Variants in HACL1 observed in about 807,000 individuals in gnomAD.
The protein encoded by HACL1 is 1600020H07Rik.
A neutral mutation model predicts 74.2 loss-of-function variants in HACL1; 64 were observed. That is an observed-to-expected ratio of 0.86 (90% CI 0.70 to 1.06). The LOEUF (loss-of-function observed/expected upper bound fraction) is 1.06, where lower values mean the gene tolerates loss of function less well. Ranked by LOEUF, HACL1 falls within the 50% of genes least tolerant of loss-of-function variation. The pLI is 0.00. For missense variants in HACL1, 728 were observed against 719.7 expected, an observed-to-expected ratio of 1.01 and a Z score of -0.13; for synonymous variants, 230 against 238.8, an observed-to-expected ratio of 0.96 and a Z score of 0.34.
intron 6 of HACL1, among the ~76,000 whole-genome samples, chr3:15,585,755 A>G (rs2063784372): frequency 1.3e-5 from 2 of 152,178 alleles, no homozygotes; most frequent in Non-Finnish European, 2.9e-5. Context: ...AAACAGCTAA[A>G]ATGTAATTTC....
In HACL1 at chr3:15,568,501, A is replaced by G. The variant is rs773754383; in HGVS notation, c.1181T>C (p.Val394Ala). ...VQEQLPRDCF[V>A]VSEGANTMDI... ...CATAGTATTTGCTCCTTCACTTACC[A>G]CGAAACAGTCTCTAGGTAGTTGTTC... The change falls in exon 13 of 17, where the codon GTG becomes GCG. Residue 394 changes from valine (V) to alanine (A), a missense_variant. Transcript: ENST00000321169. 1.6e-5 allele frequency: 25 copies of G among 1,599,898 alleles called. No individual in the cohort carries two copies. The highest frequency in any genetic ancestry group is 1.8e-5 in the Non-Finnish European group (21 of 1,167,162).
chr3:15,589,576 G>T lies in HACL1; in HGVS notation c.345C>A (p.Asn115Lys). Residue 115 changes from asparagine (N) to lysine (K), a missense_variant, in exon 5 of 17, where the codon AAC becomes AAA. Coordinates refer to ENST00000321169, the MANE Select transcript of HACL1 (RefSeq NM_012260.4). ...LLVIGGSSER[N>K]QETMGAFQEF... is the part of the protein sequence containing the mutation. ...CCTGGAAAGCTCCCATTGTTTCTTG[G>T]TTTCTTTCAGAGGAACCACCAATCA... 1 of 1,610,884 alleles carries T rather than the reference G, an allele frequency of 6.2e-7. No individual in the cohort carries two copies. Among genetic ancestry groups the T allele is most frequent in the Non-Finnish European group, 8.5e-7 (1 of 1,177,276 alleles).
rs757972937 is a variant in HACL1, at chr3:15,601,356, CT to C, written c.81+26del. 38 of 1,613,694 alleles carry C rather than the reference CT, an allele frequency of 2.4e-5. No homozygotes were observed. In the Middle Eastern group the frequency reaches 4.9e-4, roughly 21 times the overall value. On this transcript the variant is annotated intron_variant, in intron 1 of 16. Coordinates refer to ENST00000321169, the MANE Select transcript of HACL1 (RefSeq NM_012260.4). ...GGTCCCCGCCAGCTTCCGTAGGAGCCTTTCATTCCAGGAAGGTCCATCGTAC... is the reference window on the plus strand; with the variant it reads ...GGTCCCCGCCAGCTTCCGTAGGAGCCTTCATTCCAGGAAGGTCCATCGTAC...
Position 15,580,157 on chromosome 3 carries a change from TC to T in HACL1, c.668-113del, listed in dbSNP as rs554129577. On this transcript the variant is annotated intron_variant, in intron 8 of 16. Transcript: ENST00000321169. ...CTTATTTATATTTTGAGACAGGGAC[TC>T]ACTCTATCACCCAGGCTGGAGTGCA... is the stretch of plus-strand genomic sequence containing the variant. The T allele has an allele frequency of 1.1e-4, 87 of 816,722 alleles. 1 individual carries two copies. The East Asian group carries it at 2.0e-3, about 18-fold the overall frequency. 50.6% of individuals were successfully genotyped at this position (816,722 alleles called of 1,614,324 possible).
In HACL1 at chr3:15,566,499, AC is replaced by A. The variant is rs2063436059; in HGVS notation, c.1409+1344del. ...CAAAGCCCTGTCTCTACAAAAAAAT[AC>A]AAAAAATTAGCTGGGCATGGTGGTG... On this transcript the variant is annotated intron_variant, in intron 14 of 16. Transcript: ENST00000321169. 2.0e-5 allele frequency among the ~76,000 whole-genome samples: 3 copies of A among 152,172 alleles called. No individual in the cohort carries two copies. The South Asian group carries it at 6.2e-4, about 31-fold the overall frequency.
intron 2 of HACL1, among the ~76,000 whole-genome samples, chr3:15,597,795 G>A: frequency 6.6e-6 from 1 of 151,878 alleles, no homozygotes; most frequent in Admixed American, 6.6e-5. Context: ...TTCACATTAG[G>A]AGAATAAGAC....
At chr3:15,581,257 C>A (rs1304387995) in intron 8 of HACL1, among the ~76,000 whole-genome samples, 6 of 152,188 alleles carry the variant, frequency 3.9e-5, no homozygotes, top group African/African-American at 7.2e-5. Context: ...CTGCCCTATT[C>A]CCTTGATGAC....
intron 12 of HACL1, among the ~76,000 whole-genome samples, chr3:15,569,650 T>A (rs1374794390): frequency 2.0e-5 from 3 of 152,072 alleles, no homozygotes; most frequent in Non-Finnish European, 2.9e-5. Flanking sequence ...GGAGAAGCTC[T>A]GTCTCTATTA....
chr3:15,597,714 ACT>A (rs2064094127), intron 2 of HACL1, among the ~76,000 whole-genome samples: 1 of 150,054 alleles, frequency 6.7e-6, no homozygotes, highest in South Asian at 2.2e-4. Flanking sequence ...CTGCACAAAG[ACT>A]CTGCTCTTTT....
rs2063567337 is a variant in HACL1 at position 15,573,215 on chromosome 3, TC to T, written c.936del (p.Asn313IlefsTer3). ...AAAGTAACAGCGGGCTTTACATTAT[TC>T]CCCAATTCTTCTGCACAGATATCAA... ...IQVDICAEELGNNVKPAVTLL... is the reference protein window; with the variant it reads ...IQVDICAEELXNNVKPAVTLL... On this transcript the variant is annotated frameshift_variant, in exon 11 of 17. Coordinates refer to ENST00000321169, the MANE Select transcript of HACL1 (RefSeq NM_012260.4). LOFTEE classifies it high-confidence loss of function. 1 of 1,608,226 alleles carries T rather than the reference TC, an allele frequency of 6.2e-7. No individual in the cohort carries two copies.
chr3:15,589,517 A>C lies in HACL1; in HGVS notation c.381+23T>G, dbSNP rs201044168. 1,205 of 1,522,292 alleles carry C rather than the reference A, an allele frequency of 7.9e-4. 5 individuals are homozygous for C. In the African/African-American group the frequency reaches 9.6e-3, roughly 12 times the overall value. The allele number at this position is 1,522,292 out of a possible 1,614,324, so 94.3% of individuals were successfully genotyped here. On this transcript the variant is annotated intron_variant, in intron 5 of 16. Transcript: ENST00000321169. ...GTTTCAAAAATTAAAAATAAAAAAA[A>C]CCAAAATCTTAAAGTTGGATACCTG... is the stretch of plus-strand genomic sequence containing the variant.
chr3:15,571,524 TC>T, intron 12 of HACL1, 143 bp downstream of exon 12: 1 of 661,136 alleles, frequency 1.5e-6, no homozygotes. Flanking sequence ...TGCCACTAAA[TC>T]CCTTTTTCCA....
chr3:15,597,734 C>T (rs898177909), intron 2 of HACL1, among the ~76,000 whole-genome samples: 3 of 151,626 alleles, frequency 2.0e-5, no homozygotes, highest in South Asian at 4.2e-4. Flanking sequence ...TTTCCTGTGT[C>T]GCTATTCTCT....
chr3:15,573,476 G>A (rs2063571808), intron 10 of HACL1, among the ~76,000 whole-genome samples: 1 of 152,136 alleles, frequency 6.6e-6, no homozygotes, highest in Non-Finnish European at 1.5e-5. Context: ...ATGGAATTTT[G>A]GTATTGCTTC....
At chr3:15,587,323 T>G (rs1055702740) in intron 5 of HACL1, among the ~76,000 whole-genome samples, 3 of 150,034 alleles carry the variant, frequency 2.0e-5, no homozygotes, top group Non-Finnish European at 3.0e-5. Flanking sequence ...AATAAACTAT[T>G]ATTTTCCATT....
chr3:15,581,413 T>C (rs2063714713), intron 8 of HACL1, among the ~76,000 whole-genome samples: 1 of 152,206 alleles, frequency 6.6e-6, no homozygotes, highest in Admixed American at 6.5e-5. Flanking sequence ...GTAAACAGTA[T>C]CATGCACTTG....
intron 12 of HACL1, among the ~76,000 whole-genome samples, chr3:15,569,944 C>G (rs1332771246): frequency 6.6e-6 from 1 of 150,654 alleles, no homozygotes; most frequent in African/African-American, 2.4e-5. Context: ...GAGCTGAGAT[C>G]GCGCCACTGC....
intron 14 of HACL1, among the ~76,000 whole-genome samples, chr3:15,567,095 C>T (rs114334321): frequency 0.028 from 4,184 of 151,824 alleles, 180 homozygotes; most frequent in African/African-American, 0.093. Flanking sequence ...GTTGGGATTA[C>T]GGGCATGAGC....
intron 3 of HACL1, 130 bp from the exon 4 acceptor site, chr3:15,591,810 C>T (rs1217087433): frequency 3.6e-6 from 2 of 559,932 alleles, no homozygotes; most frequent in Non-Finnish European, 6.5e-6. Flanking sequence ...ACTGATAAAA[C>T]AATTATTAGA....
Sources: allele counts gnomAD v4.1 joint callset (sites outside exome capture counted in the v4.1 genomes callset), GRCh38; gene constraint gnomAD v4.1.1; transcripts MANE v1.5; gene names NCBI Gene and HGNC (gene_info 2026-07-23, HGNC 2026-07-21).